PIEZO2: variants seen among roughly 807,000 people sequenced by gnomAD.
PIEZO2 encodes the protein piezo type mechanosensitive ion channel component 2, also known as piezo-type mechanosensitive ion channel component 2.
In PIEZO2, 172 loss-of-function variants were observed where a neutral mutation model predicts 337.3. The observed-to-expected ratio is 0.51, with a 90% CI of 0.45 to 0.58. PIEZO2 has a LOEUF of 0.58. Among genes scored for constraint, PIEZO2 ranks in the 20% least tolerant of loss-of-function variants. PIEZO2 has a pLI of 0.00. For synonymous variants in PIEZO2, 1,251 were observed against 1,228.5 expected (o/e 1.02, Z -0.38); for missense variants, 3,028 against 3,391.3 (o/e 0.89, Z 2.66).
rs926116251 is a variant in PIEZO2 at position 11,116,025 on chromosome 18, C to T, written c.64+32500G>A. Reference sequence around the variant, plus strand: ...ACTGGTTTGGGAGAAACTTCTCAAACATGTTTTAGGAGGAAACATTAGTAA... The same window carrying T: ...ACTGGTTTGGGAGAAACTTCTCAAATATGTTTTAGGAGGAAACATTAGTAA... On this transcript the variant is annotated intron_variant, in intron 1 of 55. Coordinates refer to ENST00000674853, the MANE Select transcript of PIEZO2 (RefSeq NM_001378183.1). The surrounding 1 kb of genome is among the most constrained non-coding windows in gnomAD (Gnocchi z 5.0). Among the ~76,000 whole-genome samples the T allele has an allele frequency of 6.6e-6, 1 of 152,128 alleles. No homozygotes were observed. Among genetic ancestry groups the T allele is most frequent in the African/African-American group, 2.4e-5 (1 of 41,432 alleles).
At chr18:10,786,994 A>G (rs2039245821) in intron 16 of PIEZO2, 42 bp downstream of exon 16, 6 of 1,485,534 alleles carry the variant, frequency 4.0e-6, no homozygotes, top group African/African-American at 1.4e-5. Flanking sequence ...TATGCATTCA[A>G]GTCTTCATCT....
At chr18:10,935,017 A>G (rs1255900418) in intron 3 of PIEZO2, among the ~76,000 whole-genome samples, 1 of 152,152 alleles carries the variant, frequency 6.6e-6, no homozygotes, top group African/African-American at 2.4e-5. Flanking sequence ...CACACAGGCC[A>G]CCTGGCTGTG....
Position 10,945,169 on chromosome 18 carries a change from G to A in PIEZO2, c.287-33941C>T, listed in dbSNP as rs1232537299. On this transcript the variant is annotated intron_variant, in intron 3 of 55. Transcript: ENST00000674853. The surrounding 1 kb of genome is among the most constrained non-coding windows in gnomAD (Gnocchi z 4.0). ...GAAACTACCTGAATCTGAAGAAGAC[G>A]CCCTATGATTTTTAGGTGTTATTTT... 2.6e-5 allele frequency among the ~76,000 whole-genome samples: 4 copies of A among 152,156 alleles called. No homozygotes were observed. The highest frequency in any genetic ancestry group is 4.4e-5 in the Non-Finnish European group (3 of 68,012).
rs142271556 is a variant in PIEZO2, at chr18:10,960,460, C to G, written c.286+19075G>C. 5.0e-3 allele frequency among the ~76,000 whole-genome samples: 758 copies of G among 152,040 alleles called. 14 individuals are homozygous for G. Among genetic ancestry groups the G allele is most frequent in the African/African-American group, 0.017 (713 of 41,470 alleles). On this transcript the variant is annotated intron_variant, in intron 3 of 55. Coordinates refer to ENST00000674853, the MANE Select transcript of PIEZO2 (RefSeq NM_001378183.1). ...CATGAAGAGTGAGATACCCAATCCC[C>G]TCAAAAGTCATTTATAGACACAGGG... is the stretch of plus-strand genomic sequence containing the variant.
At chr18:10,964,693 A>G (rs1332395424) in intron 3 of PIEZO2, among the ~76,000 whole-genome samples, 2 of 152,172 alleles carry the variant, frequency 1.3e-5, no homozygotes, top group Admixed American at 6.5e-5. Flanking sequence ...CTACCACCCT[A>G]CTAGTTCCAG....
chr18:10,906,147 G>T (rs981386633), intron 4 of PIEZO2, among the ~76,000 whole-genome samples: 2 of 152,070 alleles, frequency 1.3e-5, no homozygotes, highest in Non-Finnish European at 2.9e-5. Flanking sequence ...AAAAACTAGG[G>T]ATATTTGTTA....
intron 7 of PIEZO2, among the ~76,000 whole-genome samples, chr18:10,842,155 A>G (rs1039308100): frequency 5.4e-4 from 82 of 152,150 alleles, no homozygotes; most frequent in Non-Finnish European, 7.4e-4. Context: ...TCTCAAAAAA[A>G]AAAAAAAAAA....
chr18:11,073,991 C>T (rs533418382), intron 1 of PIEZO2, among the ~76,000 whole-genome samples: 12 of 151,852 alleles, frequency 7.9e-5, no homozygotes, highest in Non-Finnish European at 1.5e-5. Context: ...GGACAACAGG[C>T]GCATGCCACC....
chr18:11,023,700 C>T lies in PIEZO2; in HGVS notation c.160+42427G>A, dbSNP rs373494681. 2.4e-4 allele frequency among the ~76,000 whole-genome samples: 36 copies of T among 152,266 alleles called. No individual in the cohort carries two copies. In the East Asian group the frequency reaches 3.9e-3, roughly 16 times the overall value. ...TGTTCGGGCACTGTGGAGCAGGGGG[C>T]GGCGCTCGTCCGGGAGGCTAGGGCC... is the stretch of plus-strand genomic sequence containing the variant. On this transcript the variant is annotated intron_variant, in intron 2 of 55. Coordinates refer to ENST00000674853, the MANE Select transcript of PIEZO2 (RefSeq NM_001378183.1).
Position 10,672,824 on chromosome 18 carries a change from A to G in PIEZO2, c.8211T>C (p.Thr2737=). Residue 2737 remains threonine, a synonymous_variant, in exon 55 of 56, where the codon ACT becomes ACC. Coordinates refer to ENST00000674853, the MANE Select transcript of PIEZO2 (RefSeq NM_001378183.1). The surrounding 1 kb of genome is among the most constrained non-coding windows in gnomAD (Gnocchi z 4.7). ...GAACCCACCACTCACTGTTATATTT[A>G]GTTGTATTGTCTCTGGACAAAATGA... ...ITIILSRDNT[T]KYNSEWWVLN... 1 of 1,612,428 alleles carries G rather than the reference A, an allele frequency of 6.2e-7. No individual in the cohort carries two copies. The highest frequency in any genetic ancestry group is 8.5e-7 in the Non-Finnish European group (1 of 1,178,808).
At chr18:11,076,799 T>C (rs957809770) in intron 1 of PIEZO2, among the ~76,000 whole-genome samples, 3 of 152,244 alleles carry the variant, frequency 2.0e-5, no homozygotes, top group African/African-American at 7.2e-5. Context: ...AAAGTTTCAC[T>C]GAGTTTTCTA....
At chr18:11,135,641 G>A (rs191135652) in intron 1 of PIEZO2, among the ~76,000 whole-genome samples, 6 of 152,142 alleles carry the variant, frequency 3.9e-5, no homozygotes, top group African/African-American at 1.2e-4. Flanking sequence ...TCCGCCTCCC[G>A]GGTTCAAGCA....
Position 11,148,559 on chromosome 18 carries a change from G to A in PIEZO2, c.30C>T (p.Ile10=), listed in dbSNP as rs2040868297. 2.0e-6 allele frequency: 3 copies of A among 1,537,202 alleles called. No individual in the cohort carries two copies. Among genetic ancestry groups the A allele is most frequent in the Non-Finnish European group, 2.6e-6 (3 of 1,146,906 alleles). The change falls in exon 1 of 56, where the codon ATC becomes ATT. Residue 10 remains isoleucine (I), a synonymous_variant. Coordinates refer to ENST00000674853, the MANE Select transcript of PIEZO2 (RefSeq NM_001378183.1). This position sits in a 1 kb window ranked among gnomAD's most constrained non-coding sequence, Gnocchi z 5.2. MASEVVCGL[I]FRLLLPICLA... ...GGCAGATGGGCAGCAGCAGCCTGAA[G>A]ATGAGCCCGCACACCACTTCTGAGG...
At chr18:11,144,101 A>G (rs1197193089) in intron 1 of PIEZO2, among the ~76,000 whole-genome samples, 1 of 152,244 alleles carries the variant, frequency 6.6e-6, no homozygotes, top group African/African-American at 2.4e-5. Context: ...TGAAGTCCAA[A>G]GCCATCTGCT....
At chr18:10,971,898 G>A (rs79739244) in intron 3 of PIEZO2, among the ~76,000 whole-genome samples, 2,956 of 152,146 alleles carry the variant, frequency 0.019, 102 homozygotes, top group African/African-American at 0.067. Context: ...ACTCACTAAT[G>A]AGCAGCCTAA....
chr18:11,071,857 T>C (rs1316601292), intron 1 of PIEZO2, among the ~76,000 whole-genome samples: 2 of 152,184 alleles, frequency 1.3e-5, no homozygotes, highest in African/African-American at 4.8e-5. Context: ...GTTTTCCCTC[T>C]GAGTGGCCAT....
chr18:11,052,082 A>T (rs994797775), intron 2 of PIEZO2, among the ~76,000 whole-genome samples: 2 of 150,170 alleles, frequency 1.3e-5, no homozygotes, highest in Non-Finnish European at 3.0e-5. Context: ...TAGCTTCATA[A>T]TTTTTTTTTT....
Position 10,726,552 on chromosome 18 carries a change from C to T in PIEZO2, c.5029+4855G>A. ...CTGCTCTGCTCTGCTACACCAGCCG[C>T]CACGCTGTGCGTCTGTCCTTCCGCC... On this transcript the variant is annotated intron_variant, in intron 36 of 55. Coordinates refer to ENST00000674853, the MANE Select transcript of PIEZO2 (RefSeq NM_001378183.1). This position sits in a 1 kb window ranked among gnomAD's most constrained non-coding sequence, Gnocchi z 5.9. The T allele has an allele frequency of 5.7e-6, 8 of 1,415,146 alleles. No individual in the cohort carries two copies. The highest frequency in any genetic ancestry group is 7.5e-6 in the Non-Finnish European group (8 of 1,068,032). 87.7% of individuals were successfully genotyped at this position (1,415,146 alleles called of 1,614,324 possible).
Position 11,066,126 on chromosome 18 carries a change from C to A in PIEZO2, c.160+1G>T, listed in dbSNP as rs1295032281. 6.5e-7 allele frequency: 1 copy of A among 1,529,412 alleles called. No individual in the cohort carries two copies. 94.7% of individuals were successfully genotyped at this position (1,529,412 alleles called of 1,614,324 possible). A position where few individuals can be genotyped will look rare whatever the true frequency, so the allele number is the denominator to read the frequency against. ...GGTATACGATAACAAAATTCTCTTA[C>A]CTTGCATCGTCGTTTTTGTTGGTTC... On this transcript the variant is annotated splice_donor_variant, in intron 2 of 55. Coordinates refer to ENST00000674853, the MANE Select transcript of PIEZO2 (RefSeq NM_001378183.1). LOFTEE classifies it high-confidence loss of function.
Sources: gnomAD v4.1 joint callset for allele counts (sites outside exome capture counted in the v4.1 genomes callset) on GRCh38, gnomAD v4.1.1 for gene constraint, Gnocchi (gnomAD v3.1) non-coding constraint, MANE v1.5 for transcripts, NCBI Gene and HGNC (gene_info 2026-07-23, HGNC 2026-07-21) for gene names.